RNF180: variants seen among roughly 807,000 people sequenced by gnomAD.
The protein encoded by RNF180 is ring finger protein 180, also known as E3 ubiquitin-protein ligase RNF180.
In RNF180, 38 loss-of-function variants were observed where a neutral mutation model predicts 59.2. The ratio of observed to expected loss-of-function variants is 0.64; its 90% confidence interval spans 0.50 to 0.84. RNF180 has a LOEUF of 0.84. Among genes scored for constraint, RNF180 ranks in the 40% least tolerant of loss-of-function variants. The probability of loss-of-function intolerance (pLI) is 0.00; values close to 1 mark genes in which losing one functional copy is unlikely to be tolerated. For synonymous variants in RNF180, 262 were observed against 240.3 expected (o/e 1.09, Z -0.84); for missense variants, 705 against 700.9 (o/e 1.01, Z -0.07).
intron 7 of RNF180, among the ~76,000 whole-genome samples, chr5:64,345,225 C>T (rs571105683): frequency 7.3e-4 from 111 of 152,272 alleles, no homozygotes; most frequent in African/African-American, 2.6e-3. Context: ...TCCCATACTG[C>T]CCAACTCCAG....
intron 5 of RNF180, among the ~76,000 whole-genome samples, chr5:64,292,549 C>T (rs546872115): frequency 2.6e-4 from 40 of 152,314 alleles, no homozygotes; most frequent in African/African-American, 8.9e-4. Flanking sequence ...GGCTTGGATG[C>T]TCCTGTAGGA....
chr5:64,322,423 G>A (rs1465662184), intron 5 of RNF180, among the ~76,000 whole-genome samples: 1 of 151,998 alleles, frequency 6.6e-6, no homozygotes, highest in Non-Finnish European at 1.5e-5. Flanking sequence ...TTAGAGAAAT[G>A]CAAATCAAAA....
At chr5:64,187,676 T>C (rs1056903868) in intron 1 of RNF180, among the ~76,000 whole-genome samples, 2 of 152,086 alleles carry the variant, frequency 1.3e-5, no homozygotes, top group Non-Finnish European at 2.9e-5. Context: ...GTATCTGATA[T>C]CTTTCACAAA....
intron 7 of RNF180, among the ~76,000 whole-genome samples, chr5:64,336,319 T>C (rs1745122555): frequency 6.6e-6 from 1 of 152,220 alleles, no homozygotes; most frequent in African/African-American, 2.4e-5. Context: ...TCCAAGTGGT[T>C]ATGCGTACCT....
intron 5 of RNF180, among the ~76,000 whole-genome samples, chr5:64,246,117 A>G (rs1292518174): frequency 6.6e-6 from 1 of 152,194 alleles, no homozygotes; most frequent in East Asian, 1.9e-4. Flanking sequence ...CAGCTAAAGC[A>G]GTGTTTAAAG....
intron 7 of RNF180, among the ~76,000 whole-genome samples, chr5:64,340,253 G>A (rs1284226516): frequency 6.6e-6 from 1 of 152,072 alleles, no homozygotes; most frequent in East Asian, 1.9e-4. Flanking sequence ...ACATACTCAA[G>A]TCAAAGGAAT....
chr5:64,341,323 T>C (rs565406580), intron 7 of RNF180, among the ~76,000 whole-genome samples: 4 of 152,260 alleles, frequency 2.6e-5, no homozygotes, highest in African/African-American at 9.6e-5. Context: ...TGTTCAAAGA[T>C]ATAATAAGAT....
At chr5:64,344,258 A>G (rs1286663123) in intron 7 of RNF180, among the ~76,000 whole-genome samples, 2 of 152,096 alleles carry the variant, frequency 1.3e-5, no homozygotes, top group Non-Finnish European at 2.9e-5. Context: ...AAAATTATAT[A>G]TATGTAAACA....
intron 5 of RNF180, among the ~76,000 whole-genome samples, chr5:64,280,813 T>C (rs1435844245): frequency 6.6e-6 from 1 of 152,222 alleles, no homozygotes; most frequent in African/African-American, 2.4e-5. Flanking sequence ...CATTTTAGAA[T>C]AGTTTTTCCT....
At chr5:64,265,531 G>T (rs1561227100) in intron 5 of RNF180, among the ~76,000 whole-genome samples, 1 of 152,096 alleles carries the variant, frequency 6.6e-6, no homozygotes, top group Non-Finnish European at 1.5e-5. Context: ...AAGATCAGAT[G>T]GCTGTAGATG....
intron 7 of RNF180, among the ~76,000 whole-genome samples, chr5:64,330,708 A>C (rs1744866506): frequency 6.6e-6 from 1 of 152,274 alleles, no homozygotes; most frequent in African/African-American, 2.4e-5. Flanking sequence ...TGACAAAGTC[A>C]TATTTATGGC....
chr5:64,273,757 G>GA (rs1270038224), intron 5 of RNF180, among the ~76,000 whole-genome samples: 1 of 151,914 alleles, frequency 6.6e-6, no homozygotes, highest in Non-Finnish European at 1.5e-5. Flanking sequence ...GTCACTGAAA[G>GA]AAAAGGCACA....
rs1179584792 is a variant in RNF180 at position 64,372,861 on chromosome 5, G to A, written c.*3047G>A. 1 of 151,892 alleles carries A rather than the reference G, an allele frequency of 6.6e-6. No individual in the cohort carries two copies. The allele number at this position is 151,892 out of a possible 1,614,324, so 9.4% of individuals were successfully genotyped here. On this transcript the variant is annotated 3_prime_UTR_variant, in exon 8 of 8. Transcript: ENST00000389100. ...AGCATGAGGAATAAAAGATGGTCTG[G>A]ATCAAGAATGCAGGAATATGATACT...
At chr5:64,230,976 T>C (rs1052959535) in intron 5 of RNF180, among the ~76,000 whole-genome samples, 1 of 152,324 alleles carries the variant, frequency 6.6e-6, no homozygotes, top group South Asian at 2.1e-4. Flanking sequence ...GTCCATTGGG[T>C]CTTGCCTAAG....
At chr5:64,238,778 T>C (rs1056728408) in intron 5 of RNF180, among the ~76,000 whole-genome samples, 2 of 152,212 alleles carry the variant, frequency 1.3e-5, no homozygotes, top group Admixed American at 1.3e-4. Flanking sequence ...TCCCTTTCTA[T>C]AGATTACCTT....
At chr5:64,207,080 T>C (rs1436864529) in intron 2 of RNF180, among the ~76,000 whole-genome samples, 1 of 151,894 alleles carries the variant, frequency 6.6e-6, no homozygotes, top group African/African-American at 2.4e-5. Flanking sequence ...TCTATTAATA[T>C]TATAACAATT....
intron 5 of RNF180, among the ~76,000 whole-genome samples, chr5:64,308,793 A>T (rs56883167): frequency 0.023 from 3,559 of 151,874 alleles, 128 homozygotes; most frequent in African/African-American, 0.075. Context: ...AACGACTAAG[A>T]TGAGTACTTA....
chr5:64,268,978 T>C (rs1328604473), intron 5 of RNF180, among the ~76,000 whole-genome samples: 1 of 152,146 alleles, frequency 6.6e-6, no homozygotes, highest in Non-Finnish European at 1.5e-5. Context: ...CTAATGTCTC[T>C]ACCTTTTGTT....
At chr5:64,247,555 A>T (rs559429295) in intron 5 of RNF180, among the ~76,000 whole-genome samples, 1 of 152,340 alleles carries the variant, frequency 6.6e-6, no homozygotes, top group Non-Finnish European at 1.5e-5. Flanking sequence ...CTTACAAGGG[A>T]TGTGAAGGAC....
Sources: gnomAD v4.1 joint callset for allele counts (sites outside exome capture counted in the v4.1 genomes callset) on GRCh38, gnomAD v4.1.1 for gene constraint, MANE v1.5 for transcripts, NCBI Gene and HGNC (gene_info 2026-07-23, HGNC 2026-07-21) for gene names.